CLCNKB: variants seen among roughly 807,000 people sequenced by gnomAD.
The protein encoded by CLCNKB is chloride channel protein ClC-Kb.
A neutral mutation model predicts 83.8 loss-of-function variants in CLCNKB; 74 were observed. The observed-to-expected ratio is 0.88, with a 90% CI of 0.73 to 1.07. The LOEUF is 1.07. Ranked by LOEUF, CLCNKB falls within the 50% of genes least tolerant of loss-of-function variation. CLCNKB has a pLI of 0.00. For missense variants in CLCNKB, 798 were observed against 893.6 expected, an observed-to-expected ratio of 0.89 and a Z score of 1.36; for synonymous variants, 358 against 356.6, an observed-to-expected ratio of 1.00 and a Z score of -0.04.
intron 1 of CLCNKB, among the ~76,000 whole-genome samples, chr1:16,044,202 T>A (rs888270113): frequency 6.6e-6 from 1 of 151,162 alleles, no homozygotes; most frequent in Admixed American, 6.6e-5. Context: ...TGAGCAGGGC[T>A]TGGGCTCCGG....
At chr1:16,044,658 C>A (rs1252719919) in intron 2 of CLCNKB, 66 bp downstream of exon 2, 1 of 1,339,816 alleles carries the variant, frequency 7.5e-7, no homozygotes, top group Non-Finnish European at 1.0e-6. Context: ...TGCCCAGCTC[C>A]CACCCCACCT....
chr1:16,048,851 C>G, intron 7 of CLCNKB: 1 of 1,441,526 alleles, frequency 6.9e-7, no homozygotes, highest in African/African-American at 1.4e-5. Flanking sequence ...CTCTCTGAGC[C>G]CGGCTTCCTC....
intron 10 of CLCNKB, 122 bp from the exon 11 acceptor site, chr1:16,050,394 C>T: frequency 9.2e-7 from 1 of 1,092,030 alleles, no homozygotes; most frequent in Non-Finnish European, 1.4e-6. Context: ...CTGGAGCTGG[C>T]CCAGTCCATG....
intron 7 of CLCNKB, 72 bp downstream of exon 7, chr1:16,048,654 CA>C: frequency 6.3e-7 from 1 of 1,598,274 alleles, no homozygotes; most frequent in South Asian, 1.1e-5. Flanking sequence ...TCCTTCGGCC[CA>C]GCTGAGAGCC....
At chr1:16,054,867 A>C (rs536223071) in intron 16 of CLCNKB, among the ~76,000 whole-genome samples, 2 of 152,296 alleles carry the variant, frequency 1.3e-5, no homozygotes, top group South Asian at 4.1e-4. Context: ...GAAGGGGGAC[A>C]TTTATATGTC....
chr1:16,049,111 C>G lies in CLCNKB; in HGVS notation c.656-9C>G. The stretch of plus-strand genomic sequence containing the variant: ...TGGAGGGCCCACCTGAGATCAGTGT[C>G]GCCCCCAGGCGTCCTGTTCAGCATC... On this transcript the variant is annotated splice_polypyrimidine_tract_variant and intron_variant, in intron 7 of 19. Transcript: ENST00000375679. 1 of 1,613,568 alleles carries G rather than the reference C, an allele frequency of 6.2e-7. No homozygotes were observed. Among genetic ancestry groups the G allele is most frequent in the Non-Finnish European group, 8.5e-7 (1 of 1,179,998 alleles).
In CLCNKB at chr1:16,049,238, C is replaced by T. The variant is rs1200797674; in HGVS notation, c.774C>T (p.Ser258=). Residue 258 remains serine (S), a synonymous_variant, in exon 8 of 20, where the codon AGC becomes AGT. Coordinates refer to ENST00000375679, the MANE Select transcript of CLCNKB (RefSeq NM_000085.5). ...FMFRLLAVFN[S]EQETITSLYK... ...TCCGGCTCCTGGCGGTCTTCAACAG[C>T]GAGCAGGGTGAGCCCCCTGGGCTGC... is the stretch of plus-strand genomic sequence containing the variant. The T allele has an allele frequency of 3.1e-6, 5 of 1,613,790 alleles. No individual in the cohort carries two copies. Among genetic ancestry groups the T allele is most frequent in the Non-Finnish European group, 4.2e-6 (5 of 1,179,940 alleles).
At chr1:16,049,020 C>T (rs1447200867) in intron 7 of CLCNKB, 100 bp from the exon 8 acceptor site, 1 of 1,609,068 alleles carries the variant, frequency 6.2e-7, no homozygotes, top group Non-Finnish European at 8.5e-7. Context: ...TGCAGGAGAG[C>T]AGGACAGATG....
At chr1:16,050,457 C>T in intron 10 of CLCNKB, 59 bp from the exon 11 acceptor site, 1 of 1,572,842 alleles carries the variant, frequency 6.4e-7, no homozygotes, top group Non-Finnish European at 8.7e-7. Flanking sequence ...GCCCTGCTTC[C>T]CTCTCCTTGG....
intron 2 of CLCNKB, 82 bp downstream of exon 2, chr1:16,044,674 C>A: frequency 2.6e-6 from 3 of 1,173,076 alleles, no homozygotes; most frequent in Non-Finnish European, 3.7e-6. Context: ...CACCTCCCTG[C>A]CCAGGAACCA....
Position 16,048,331 on chromosome 1 carries a change from T to G in CLCNKB, c.499-12T>G, listed in dbSNP as rs1300996751. ...CCTCACCTGGGCCCTGGGCCCACCC[T>G]TCTCTCTGCAGGGCCCTTTCGTGCA... On this transcript the variant is annotated splice_polypyrimidine_tract_variant and intron_variant, in intron 5 of 19. Coordinates refer to ENST00000375679, the MANE Select transcript of CLCNKB (RefSeq NM_000085.5). 2.5e-6 allele frequency: 4 copies of G among 1,613,760 alleles called. No individual in the cohort carries two copies. Among genetic ancestry groups the G allele is most frequent in the African/African-American group, 1.3e-5 (1 of 74,828 alleles).
At chr1:16,048,637 C>G in intron 7 of CLCNKB, 55 bp downstream of exon 7, 2 of 1,605,350 alleles carry the variant, frequency 1.2e-6, no homozygotes, top group Non-Finnish European at 1.7e-6. Flanking sequence ...CCCCTCACAC[C>G]CTGGGCTCCT....
intron 10 of CLCNKB, among the ~76,000 whole-genome samples, 168 bp downstream of exon 10, chr1:16,050,084 C>T (rs1348311984): frequency 4.5e-5 from 2 of 44,836 alleles, no homozygotes; most frequent in Non-Finnish European, 1.3e-4. Context: ...ACAGTCACTG[C>T]CCGACTACCT....
chr1:16,055,803 G>C, intron 18 of CLCNKB, 45 bp downstream of exon 18: 1 of 1,573,154 alleles, frequency 6.4e-7, no homozygotes. Flanking sequence ...GCCTCTGGGT[G>C]GGGGAAGAGC....
Position 16,047,998 on chromosome 1 carries a change from T to C in CLCNKB, c.452T>C (p.Leu151Pro). 2 of 1,614,036 alleles carry C rather than the reference T, an allele frequency of 1.2e-6. No individual in the cohort carries two copies. Among genetic ancestry groups the C allele is most frequent in the Non-Finnish European group, 1.7e-6 (2 of 1,179,998 alleles). The stretch of plus-strand genomic sequence containing the variant: ...AACTTTGGGGCCAAAGTGGTGGGCC[T>C]CTCCTGCACCCTGGCCTGTGGCAGC... ...IKNFGAKVVG[L>P]SCTLACGSTL... The change falls in exon 5 of 20, where the codon CTC (leucine) becomes CCC (proline). Residue 151 changes from leucine (L) to proline (P), a missense_variant. Coordinates refer to ENST00000375679, the MANE Select transcript of CLCNKB (RefSeq NM_000085.5).
At chr1:16,055,228 A>G (rs561543946) in intron 16 of CLCNKB, among the ~76,000 whole-genome samples, 6 of 152,244 alleles carry the variant, frequency 3.9e-5, no homozygotes, top group Admixed American at 3.9e-4. Context: ...AGCCATCCTC[A>G]GCTACCACAC....
chr1:16,044,172 C>T (rs1450360966), intron 1 of CLCNKB, among the ~76,000 whole-genome samples: 1 of 152,020 alleles, frequency 6.6e-6, no homozygotes, highest in African/African-American at 2.4e-5. Context: ...GAGCGGCTGC[C>T]ACCGAAGGGG....
At chr1:16,048,627 C>T (rs755859196) in intron 7 of CLCNKB, 45 bp downstream of exon 7, 1 of 1,610,110 alleles carries the variant, frequency 6.2e-7, no homozygotes. Context: ...TCAAGCTCCT[C>T]CCCTCACACC....
At position 16,046,600 on chromosome 1, in the gene CLCNKB, T is replaced by C. The variant is rs779327388; in HGVS notation, c.295T>C (p.Tyr99His). 8.1e-6 allele frequency: 13 copies of C among 1,614,038 alleles called. No homozygotes were observed. In the Admixed American group the frequency reaches 1.8e-4, roughly 23 times the overall value. ...GCTCCGGTATCTCTCCTGGACTGTG[T>C]ACCCTGTGGCCCTCGTCTCTTTCTC... ...HLLRYLSWTV[Y>H]PVALVSFSSG... The change falls in exon 4 of 20, where the codon TAC (tyrosine) becomes CAC (histidine). Residue 99 changes from tyrosine to histidine, a missense_variant. Transcript: ENST00000375679.
Sources: gnomAD v4.1 joint callset for allele counts (sites outside exome capture counted in the v4.1 genomes callset) on GRCh38, gnomAD v4.1.1 for gene constraint, MANE v1.5 for transcripts, NCBI Gene and HGNC (gene_info 2026-07-23, HGNC 2026-07-21) for gene names.